PTPRK: variants seen among roughly 807,000 people sequenced by gnomAD.
PTPRK encodes the protein protein tyrosine phosphatase receptor type K.
In PTPRK, 75 loss-of-function variants were observed where a neutral mutation model predicts 178.0. That is an observed-to-expected ratio of 0.42 (90% CI 0.35 to 0.51). PTPRK has a LOEUF of 0.51. Among genes scored for constraint, PTPRK ranks in the 20% least tolerant of loss-of-function variants. PTPRK has a pLI of 0.02. For missense variants in PTPRK, 1,441 were observed against 1,797.8 expected (o/e 0.80, Z 3.59); for synonymous variants, 637 against 620.6 (o/e 1.03, Z -0.39).
chr6:128,036,933 C>T (rs532855630), intron 13 of PTPRK, among the ~76,000 whole-genome samples: 2 of 152,106 alleles, frequency 1.3e-5, no homozygotes, highest in South Asian at 4.2e-4. Flanking sequence ...GGTTTCACCA[C>T]GTTGGCCAGA....
At chr6:128,035,726 T>G (rs933416611) in intron 13 of PTPRK, among the ~76,000 whole-genome samples, 3 of 152,174 alleles carry the variant, frequency 2.0e-5, no homozygotes, top group African/African-American at 7.2e-5. Flanking sequence ...TGGTTCTCAG[T>G]ATAGCAGATA....
chr6:128,114,329 T>C (rs111769138), intron 7 of PTPRK, among the ~76,000 whole-genome samples: 17 of 151,968 alleles, frequency 1.1e-4, no homozygotes, highest in African/African-American at 3.9e-4. Flanking sequence ...TTTAAAAGCA[T>C]CAGCTTGGCC....
At chr6:128,299,091 G>C (rs1445449961) in intron 3 of PTPRK, among the ~76,000 whole-genome samples, 1 of 152,064 alleles carries the variant, frequency 6.6e-6, no homozygotes, top group Non-Finnish European at 1.5e-5. Flanking sequence ...CAAACAGAGA[G>C]CCAAATCATG....
chr6:128,130,808 G>A (rs1298301083), intron 7 of PTPRK, among the ~76,000 whole-genome samples: 1 of 151,964 alleles, frequency 6.6e-6, no homozygotes, highest in African/African-American at 2.4e-5. Flanking sequence ...TCTGAAAACA[G>A]ACACATTAAG....
chr6:128,238,367 A>G (rs972485545), intron 5 of PTPRK, among the ~76,000 whole-genome samples: 1 of 151,786 alleles, frequency 6.6e-6, no homozygotes, highest in African/African-American at 2.4e-5. Flanking sequence ...AAAAAAAATG[A>G]GCAGTATTGG....
chr6:128,279,893 A>G (rs1050574765), intron 3 of PTPRK, among the ~76,000 whole-genome samples: 2 of 152,116 alleles, frequency 1.3e-5, no homozygotes, highest in Non-Finnish European at 2.9e-5. Flanking sequence ...ATATTTATAA[A>G]TAATAGTTGC....
chr6:128,479,430 C>A (rs966315247), intron 1 of PTPRK, among the ~76,000 whole-genome samples: 2 of 152,120 alleles, frequency 1.3e-5, no homozygotes, highest in Non-Finnish European at 2.9e-5. Flanking sequence ...CAATCCCAGT[C>A]AATGTCCAAA....
rs1434662765 is a variant in PTPRK at position 128,240,138 on chromosome 6, TGAG to T, written c.587_589del (p.Pro196del). On this transcript the variant is annotated inframe_deletion, in exon 5 of 30. Transcript: ENST00000368226. ...CTCTACATCCCCTAGACGGAGGAAA[TGAG>T]GAGATTTATCTGTGAAGGAAGGGAA... 4 of 1,611,806 alleles carry T rather than the reference TGAG, an allele frequency of 2.5e-6. No individual in the cohort carries two copies. Among genetic ancestry groups the T allele is most frequent in the Non-Finnish European group, 3.4e-6 (4 of 1,178,670 alleles).
chr6:128,364,371 T>A (rs1835191591), intron 2 of PTPRK, among the ~76,000 whole-genome samples: 1 of 152,062 alleles, frequency 6.6e-6, no homozygotes, highest in Non-Finnish European at 1.5e-5. Flanking sequence ...GGACATATTA[T>A]CCCTACCTAA....
chr6:128,009,543 G>A (rs1323255921), intron 13 of PTPRK, among the ~76,000 whole-genome samples: 1 of 151,118 alleles, frequency 6.6e-6, no homozygotes, highest in East Asian at 2.0e-4. Context: ...TTCCCCAAGT[G>A]TCCTTGAAAG....
At chr6:128,423,243 GAGA>G (rs1206484359) in intron 1 of PTPRK, among the ~76,000 whole-genome samples, 5 of 152,080 alleles carry the variant, frequency 3.3e-5, no homozygotes, top group East Asian at 1.9e-4. Context: ...GACTTTTTTT[GAGA>G]AGAAGAAAAT....
At chr6:128,403,788 C>T (rs567937866) in intron 1 of PTPRK, among the ~76,000 whole-genome samples, 4 of 152,206 alleles carry the variant, frequency 2.6e-5, no homozygotes, top group Admixed American at 6.5e-5. Context: ...TACCTGAACA[C>T]TCATCATATA....
intron 5 of PTPRK, among the ~76,000 whole-genome samples, chr6:128,220,730 A>G (rs973103003): frequency 2.0e-5 from 3 of 152,242 alleles, no homozygotes; most frequent in Non-Finnish European, 4.4e-5. Flanking sequence ...TGTGATTGTG[A>G]AATATGGAAA....
chr6:128,311,998 G>GTTA (rs1827303610), intron 3 of PTPRK, among the ~76,000 whole-genome samples: 1 of 152,028 alleles, frequency 6.6e-6, no homozygotes, highest in African/African-American at 2.4e-5. Flanking sequence ...CAAAGATATG[G>GTTA]CAAAAAATCC....
intron 2 of PTPRK, among the ~76,000 whole-genome samples, chr6:128,374,424 C>T (rs1289029063): frequency 2.0e-5 from 3 of 152,118 alleles, no homozygotes; most frequent in African/African-American, 7.2e-5. Context: ...GTATTTCAAA[C>T]TTAACATCTC....
intron 1 of PTPRK, among the ~76,000 whole-genome samples, chr6:128,496,182 G>A (rs1854627473): frequency 6.6e-6 from 1 of 152,152 alleles, no homozygotes; most frequent in South Asian, 2.1e-4. Context: ...ATATACAGCT[G>A]AAGACTGAGA....
intron 5 of PTPRK, among the ~76,000 whole-genome samples, chr6:128,228,147 A>AG (rs1199340120): frequency 2.9e-4 from 44 of 151,742 alleles, no homozygotes; most frequent in Admixed American, 2.0e-3. Flanking sequence ...AGAAATAGAG[A>AG]GGGAAAAAAA....
chr6:128,208,109 G>C (rs772655166), intron 6 of PTPRK, among the ~76,000 whole-genome samples: 42 of 151,836 alleles, frequency 2.8e-4, no homozygotes, highest in Admixed American at 4.6e-4. Context: ...GTCTGATCAT[G>C]GTAACTGCTT....
At chr6:128,481,846 CT>C (rs1481086154) in intron 1 of PTPRK, among the ~76,000 whole-genome samples, 4 of 152,104 alleles carry the variant, frequency 2.6e-5, no homozygotes, top group Middle Eastern at 6.8e-3. Flanking sequence ...GGTCTTTTAT[CT>C]TTTCCAGGAC....
Sources: allele counts gnomAD v4.1 joint callset (sites outside exome capture counted in the v4.1 genomes callset), GRCh38; gene constraint gnomAD v4.1.1; transcripts MANE v1.5; gene names NCBI Gene and HGNC (gene_info 2026-07-23, HGNC 2026-07-21).